Variants in ALMS1 observed in about 807,000 individuals in gnomAD.
The protein encoded by ALMS1 is centrosome-associated protein ALMS1.
ALMS1 carries 271 observed loss-of-function variants against 352.2 expected under a neutral mutation model. The observed-to-expected ratio is 0.77, with a 90% confidence interval of 0.70 to 0.85. The LOEUF is 0.85. Among genes scored for constraint, ALMS1 ranks in the 40% least tolerant of loss-of-function variants. The pLI, the probability that ALMS1 is intolerant of heterozygous loss-of-function variation, is 0.00. For missense variants in ALMS1, 5,445 were observed against 4,870.7 expected, an observed-to-expected ratio of 1.12 and a Z score of -3.51; for synonymous variants, 1,865 against 1,761.2, an observed-to-expected ratio of 1.06 and a Z score of -1.48.
chr2:73,579,060 A>ATTATTTTTTTTTTT (rs1675113474), intron 16 of ALMS1, among the ~76,000 whole-genome samples: 2 of 79,534 alleles, frequency 2.5e-5, no homozygotes, highest in Admixed American at 1.1e-4. Flanking sequence ...TTTCTCCTTT[A>ATTATTTTTTTTTTT]TTCTTTTTTT....
intron 1 of ALMS1, among the ~76,000 whole-genome samples, chr2:73,390,704 T>C (rs190058729): frequency 6.6e-6 from 1 of 152,294 alleles, no homozygotes; most frequent in East Asian, 1.9e-4. Context: ...GTTCTCTGGG[T>C]TGGCATCACT....
rs1354976427 is a variant in ALMS1, at chr2:73,449,658, C to T, written c.3131C>T (p.Ala1044Val). The change falls in exon 8 of 23, where the codon GCA (alanine) becomes GTA (valine). Residue 1044 changes from alanine to valine, a missense_variant. By Grantham distance (64) the Ala-to-Val change is moderately conservative (BLOSUM62 0). Coordinates refer to ENST00000613296, the MANE Select transcript of ALMS1 (RefSeq NM_001378454.1). ...GCTGACCAGAAGACTGAGATACCAG[C>T]AGTACAGTCTAGTTCTTACCCACAG... ...GPADQKTEIP[A>V]VQSSSYPQRE... The T allele has an allele frequency of 1.2e-6, 2 of 1,614,024 alleles. No homozygotes were observed. Among genetic ancestry groups the T allele is most frequent in the Admixed American group, 1.7e-5 (1 of 60,020 alleles).
At chr2:73,404,418 T>A (rs771526194) in intron 1 of ALMS1, among the ~76,000 whole-genome samples, 8 of 152,158 alleles carry the variant, frequency 5.3e-5, no homozygotes, top group Non-Finnish European at 1.2e-4. Flanking sequence ...CTGTGGGACA[T>A]ACAGCTTTTA....
At chr2:73,550,539 A>C (rs1674407758) in intron 13 of ALMS1, 102 bp downstream of exon 13, 1 of 1,455,022 alleles carries the variant, frequency 6.9e-7, no homozygotes, top group African/African-American at 1.4e-5. Context: ...TTTGTTATAC[A>C]AGCTTTTCTC....
chr2:73,584,167 C>A (rs551071262), intron 16 of ALMS1, among the ~76,000 whole-genome samples: 2 of 152,204 alleles, frequency 1.3e-5, no homozygotes, highest in African/African-American at 4.8e-5. Flanking sequence ...AATTAAGAAA[C>A]TGATTTTACT....
At chr2:73,488,800 A>G (rs935673973) in intron 9 of ALMS1, among the ~76,000 whole-genome samples, 6 of 152,244 alleles carry the variant, frequency 3.9e-5, no homozygotes, top group African/African-American at 1.2e-4. Flanking sequence ...TAATGACTGT[A>G]TAGGTAAAAT....
chr2:73,508,489 G>C (rs182448678), intron 10 of ALMS1, among the ~76,000 whole-genome samples: 1 of 152,112 alleles, frequency 6.6e-6, no homozygotes. Context: ...ACAGATGTGA[G>C]CCACCGCACC....
In ALMS1 at chr2:73,450,387, C is replaced by T. The variant is rs375231416; in HGVS notation, c.3860C>T (p.Ser1287Leu). ...GTPAVTSTSYSQYREKPSIFY... is the reference protein window; with the variant it reads ...GTPAVTSTSYLQYREKPSIFY... Reference sequence around the variant, plus strand: ...CCAGCTGTAACCTCTACTTCCTACTCACAATATAGAGAGAAGCCCAGCATT... The same window carrying T: ...CCAGCTGTAACCTCTACTTCCTACTTACAATATAGAGAGAAGCCCAGCATT... Residue 1287 changes from serine to leucine, a missense_variant, in exon 8 of 23, where the codon TCA becomes TTA. Ser to Leu is a moderately radical substitution (Grantham distance 145). Transcript: ENST00000613296. 133 of 1,612,848 alleles carry T rather than the reference C, an allele frequency of 8.2e-5. No individual in the cohort carries two copies. The highest frequency in any genetic ancestry group is 1.1e-4 in the Non-Finnish European group (124 of 1,179,776).
chr2:73,601,730 G>C (rs923539735), intron 19 of ALMS1, among the ~76,000 whole-genome samples: 1 of 152,262 alleles, frequency 6.6e-6, no homozygotes, highest in East Asian at 1.9e-4. Context: ...TGTGTGGAGG[G>C]CCCGGAGGCC....
intron 1 of ALMS1, among the ~76,000 whole-genome samples, chr2:73,394,810 C>T (rs542236723): frequency 6.6e-6 from 1 of 152,082 alleles, no homozygotes; most frequent in South Asian, 2.1e-4. Flanking sequence ...CTACTACACA[C>T]CTAGGCTATA....
chr2:73,405,191 G>A (rs1019475538), intron 1 of ALMS1, among the ~76,000 whole-genome samples: 2 of 152,034 alleles, frequency 1.3e-5, no homozygotes, highest in Non-Finnish European at 2.9e-5. Flanking sequence ...TGGGATTACA[G>A]GTGTGAGCCA....
intron 21 of ALMS1, among the ~76,000 whole-genome samples, chr2:73,607,698 C>T (rs983337057): frequency 6.6e-6 from 1 of 152,020 alleles, no homozygotes; most frequent in African/African-American, 2.4e-5. Context: ...TGTAGTGCAG[C>T]AGTGGCTTGA....
rs778639019 is a variant in ALMS1 at position 73,451,374 on chromosome 2, G to A, written c.4847G>A (p.Gly1616Asp). The A allele has an allele frequency of 2.0e-5, 33 of 1,613,270 alleles. No homozygotes were observed. In the South Asian group the frequency reaches 3.2e-4, roughly 16 times the overall value. The change falls in exon 8 of 23, where the codon GGT (glycine) becomes GAT (aspartate). Residue 1616 changes from glycine to aspartate, a missense_variant. Gly to Asp is a moderately conservative substitution (Grantham distance 94). Transcript: ENST00000613296. ...KKTDIPAGPL[G>D]SSALGEKPIT... is the part of the protein sequence containing the mutation. ...ACTGACATACCAGCAGGACCTTTAG[G>A]TTCCAGTGCACTTGGAGAGAAGCCC...
At chr2:73,526,235 T>A (rs193241324) in intron 11 of ALMS1, among the ~76,000 whole-genome samples, 74 of 152,340 alleles carry the variant, frequency 4.9e-4, no homozygotes, top group Admixed American at 3.9e-3. Flanking sequence ...TCGTTCTTTA[T>A]GCTTAAGATA....
chr2:73,490,300 C>T lies in ALMS1; in HGVS notation c.8341C>T (p.Gln2781Ter). Residue 2781 changes from glutamine to a stop codon, truncating the protein, a stop_gained, in exon 10 of 23, where the codon CAA (glutamine) becomes TAA (stop). Coordinates refer to ENST00000613296, the MANE Select transcript of ALMS1 (RefSeq NM_001378454.1). LOFTEE classifies it high-confidence loss of function. ...PSSFKMHSNS[Q>*]DKEVTILAEG... ...ATCATTTAAAATGCATAGTAATTCA[C>T]AAGATAAAGAAGTGACTATTTTAGC... The T allele has an allele frequency of 6.2e-7, 1 of 1,612,706 alleles. No homozygotes were observed. The highest frequency in any genetic ancestry group is 2.2e-5 in the East Asian group (1 of 44,864).
intron 9 of ALMS1, chr2:73,471,166 C>A (rs1672457476): frequency 6.7e-6 from 1 of 149,362 alleles, no homozygotes; most frequent in African/African-American, 2.4e-5. Context: ...TTGTTTTGTC[C>A]CTTTTGTCCT....
At chr2:73,478,447 G>T (rs187592965) in intron 9 of ALMS1, among the ~76,000 whole-genome samples, 2 of 152,204 alleles carry the variant, frequency 1.3e-5, no homozygotes, top group Admixed American at 1.3e-4. Flanking sequence ...TTTGGGATGA[G>T]TATAAATCTA....
In ALMS1 at chr2:73,453,002, A is replaced by G. The variant is rs1310480569; in HGVS notation, c.6475A>G (p.Arg2159Gly). Reference protein sequence around the residue: ...DIFYQKDLPDRHLTEDALKIS... With the variant: ...DIFYQKDLPDGHLTEDALKIS... ...TTTCTATCAAAAGGATTTGCCAGAT[A>G]GACATCTAACTGAAGATGCTCTAAA... is the stretch of plus-strand genomic sequence containing the variant. The change falls in exon 8 of 23, where the codon AGA (arginine) becomes GGA (glycine). Residue 2159 changes from arginine (R) to glycine (G), a missense_variant. Coordinates refer to ENST00000613296, the MANE Select transcript of ALMS1 (RefSeq NM_001378454.1). The G allele has an allele frequency of 3.7e-6, 6 of 1,612,770 alleles. No homozygotes were observed. Among genetic ancestry groups the G allele is most frequent in the Admixed American group, 3.3e-5 (2 of 59,912 alleles).
intron 15 of ALMS1, among the ~76,000 whole-genome samples, chr2:73,564,130 A>G (rs561679158): frequency 1.3e-5 from 2 of 152,086 alleles, no homozygotes; most frequent in South Asian, 4.2e-4. Flanking sequence ...AGACCATAGA[A>G]AATTTTTTCA....
Sources: allele counts gnomAD v4.1 joint callset (sites outside exome capture counted in the v4.1 genomes callset), GRCh38; gene constraint gnomAD v4.1.1; transcripts MANE v1.5; gene names NCBI Gene and HGNC (gene_info 2026-07-23, HGNC 2026-07-21).